The following RERE variants were observed in gnomAD, a reference collection of about 807,000 sequenced individuals.
RERE encodes the protein arginine-glutamic acid dipeptide repeats.
RERE carries 40 observed loss-of-function variants against 146.1 expected under a neutral mutation model. The observed-to-expected ratio is 0.27, with a 90% confidence interval of 0.21 to 0.36. RERE has a LOEUF of 0.36. Ranked by LOEUF, RERE falls within the 10% of genes least tolerant of loss-of-function variation. The pLI is 1.00. For synonymous variants in RERE, 1,003 were observed against 866.0 expected (o/e 1.16, Z -2.78); for missense variants, 1,933 against 2,138.7 (o/e 0.90, Z 1.90).
intron 1 of RERE, among the ~76,000 whole-genome samples, chr1:8,793,925 A>G (rs1325134562): frequency 6.6e-6 from 1 of 151,930 alleles, no homozygotes; most frequent in Non-Finnish European, 1.5e-5. Context: ...AATTAGCCAA[A>G]TGTGGTGGCT....
intron 7 of RERE, among the ~76,000 whole-genome samples, chr1:8,538,706 A>G (rs146609853): frequency 6.6e-6 from 1 of 152,312 alleles, no homozygotes; most frequent in East Asian, 1.9e-4. Context: ...AAGTCATCCA[A>G]CACTACTCAA....
chr1:8,555,801 T>C (rs1404473560), intron 6 of RERE, among the ~76,000 whole-genome samples: 1 of 152,180 alleles, frequency 6.6e-6, no homozygotes, highest in African/African-American at 2.4e-5. Flanking sequence ...TGGTCATTTT[T>C]TTGACATAAT....
chr1:8,640,931 T>C (rs995576762), intron 2 of RERE, among the ~76,000 whole-genome samples: 2 of 152,230 alleles, frequency 1.3e-5, no homozygotes, highest in Non-Finnish European at 2.9e-5. Flanking sequence ...GTAAAATTCA[T>C]GCACAGCCAT....
At chr1:8,708,912 T>TG (rs1239229949) in intron 1 of RERE, among the ~76,000 whole-genome samples, 3 of 132,408 alleles carry the variant, frequency 2.3e-5, no homozygotes, top group African/African-American at 8.7e-5. Flanking sequence ...GGAGTTTTTT[T>TG]TTTTTTTTTT....
At chr1:8,370,538 TC>T (rs1428041586) in intron 12 of RERE, among the ~76,000 whole-genome samples, 2 of 152,044 alleles carry the variant, frequency 1.3e-5, no homozygotes, top group Admixed American at 1.3e-4. Flanking sequence ...CAACAACAAA[TC>T]CAGGCCGGGT....
intron 11 of RERE, among the ~76,000 whole-genome samples, chr1:8,464,132 TAAC>T (rs1024091457): frequency 2.4e-4 from 36 of 152,346 alleles, no homozygotes; most frequent in African/African-American, 7.9e-4. Context: ...TCTTTAATAA[TAAC>T]GTTAAGATTT....
At chr1:8,498,750 CACACACACACACACACACATAT>C (rs1645085283) in intron 8 of RERE, among the ~76,000 whole-genome samples, 1 of 149,054 alleles carries the variant, frequency 6.7e-6, no homozygotes, top group African/African-American at 2.5e-5. Context: ...CACACACACA[CACACACACACACACACACATAT>C]GTAGTTGAAT....
At chr1:8,543,244 GA>G (rs1413268478) in intron 6 of RERE, among the ~76,000 whole-genome samples, 1 of 152,172 alleles carries the variant, frequency 6.6e-6, no homozygotes, top group African/African-American at 2.4e-5. Flanking sequence ...AAGCTTCTGG[GA>G]AAGAAAATGC....
At chr1:8,609,134 C>T (rs913894554) in intron 4 of RERE, among the ~76,000 whole-genome samples, 8 of 151,920 alleles carry the variant, frequency 5.3e-5, no homozygotes, top group African/African-American at 1.9e-4. Flanking sequence ...AAGAGAACTG[C>T]TTGAACCCGG....
intron 10 of RERE, among the ~76,000 whole-genome samples, chr1:8,472,331 A>T (rs901001381): frequency 6.6e-5 from 10 of 152,232 alleles, no homozygotes; most frequent in African/African-American, 2.4e-4. Context: ...GTAGATTTCA[A>T]ATTCTAAACA....
intron 7 of RERE, among the ~76,000 whole-genome samples, chr1:8,513,968 T>C (rs1645376811): frequency 6.6e-6 from 1 of 152,348 alleles, no homozygotes; most frequent in South Asian, 2.1e-4. Context: ...GCATTGGTTT[T>C]ATAGAGAATG....
In RERE at chr1:8,360,718, G is replaced by C; in HGVS notation, c.2789C>G (p.Pro930Arg). Residue 930 changes from proline (P) to arginine (R), a missense_variant, in exon 18 of 23, where the codon CCC (proline) becomes CGC (arginine). By Grantham distance (103) the Pro-to-Arg change is moderately radical. Coordinates refer to ENST00000400908, the MANE Select transcript of RERE (RefSeq NM_001042681.2). Reference sequence around the variant, plus strand: ...CTGGGGGATGGGAGTGGTAGGCGGGGGCTTGATGTGGGGCATGGCCAAGGG... The same window carrying C: ...CTGGGGGATGGGAGTGGTAGGCGGGCGCTTGATGTGGGGCATGGCCAAGGG... ...PAPLAMPHIK[P>R]PPTTPIPQLP... The C allele has an allele frequency of 6.3e-7, 1 of 1,588,236 alleles. No homozygotes were observed. Among genetic ancestry groups the C allele is most frequent in the Non-Finnish European group, 8.6e-7 (1 of 1,169,036 alleles).
intron 11 of RERE, among the ~76,000 whole-genome samples, chr1:8,454,978 T>A (rs1000085708): frequency 3.3e-5 from 5 of 151,934 alleles, no homozygotes; most frequent in African/African-American, 9.7e-5. Context: ...ACCAGGCCTG[T>A]TTTTCCTGCT....
chr1:8,761,594 A>G (rs1482191348), intron 1 of RERE, among the ~76,000 whole-genome samples: 2 of 152,168 alleles, frequency 1.3e-5, no homozygotes, highest in Non-Finnish European at 2.9e-5. Flanking sequence ...CCCATCTGTC[A>G]TACCTCTTCA....
intron 1 of RERE, among the ~76,000 whole-genome samples, chr1:8,712,169 C>G (rs1639680615): frequency 6.6e-6 from 1 of 152,184 alleles, no homozygotes; most frequent in East Asian, 1.9e-4. Flanking sequence ...GCCACAGATT[C>G]GAGAATGTTT....
intron 12 of RERE, among the ~76,000 whole-genome samples, chr1:8,369,508 T>TTAAA (rs1285019668): frequency 1.7e-4 from 13 of 76,892 alleles, no homozygotes; most frequent in East Asian, 4.5e-4. Flanking sequence ...CGCCTTTTAC[T>TTAAA]AAAAAAAAAA....
chr1:8,628,021 A>G (rs939902927), intron 2 of RERE, among the ~76,000 whole-genome samples: 1 of 152,216 alleles, frequency 6.6e-6, no homozygotes, highest in African/African-American at 2.4e-5. Flanking sequence ...GAGATCCTCA[A>G]CCGGACATAC....
At chr1:8,653,155 ACT>A (rs990145619) in intron 2 of RERE, among the ~76,000 whole-genome samples, 1 of 151,886 alleles carries the variant, frequency 6.6e-6, no homozygotes, top group Non-Finnish European at 1.5e-5. Flanking sequence ...ACTAATTCTG[ACT>A]CTCTCATGAG....
intron 1 of RERE, among the ~76,000 whole-genome samples, chr1:8,678,926 G>A (rs373632500): frequency 2.0e-5 from 3 of 152,154 alleles, no homozygotes; most frequent in South Asian, 2.1e-4. Flanking sequence ...ATGCTGTCCA[G>A]TATAGTAGTC....
Sources: gnomAD v4.1 joint callset for allele counts (sites outside exome capture counted in the v4.1 genomes callset) on GRCh38, gnomAD v4.1.1 for gene constraint, MANE v1.5 for transcripts, NCBI Gene and HGNC (gene_info 2026-07-23, HGNC 2026-07-21) for gene names.